The following FUT4 variants were observed in gnomAD, a reference collection of about 807,000 sequenced individuals.
The protein encoded by FUT4 is fucosyltransferase 4, also known as alpha-(1,3)-fucosyltransferase 4.
Under a neutral mutation model 3.8 loss-of-function variants are expected in FUT4, and 1 was observed. The ratio of observed to expected loss-of-function variants is 0.26; its 90% CI spans 0.09 to 1.25. The LOEUF is 1.25. FUT4 is among the 50% of genes most tolerant of loss of function. The probability of loss-of-function intolerance (pLI) is 0.47; values close to 1 mark genes in which losing one functional copy is unlikely to be tolerated. For missense variants in FUT4, 880 were observed against 768.2 expected (o/e 1.15, Z -1.72); for synonymous variants, 417 against 355.3 (o/e 1.17, Z -1.95).
rs773047836 is a variant in FUT4 at position 94,545,193 on chromosome 11, CAG to C, written c.1061_1062del (p.Gln354ArgfsTer195). Reference protein sequence around the residue: ...SGLAPPLSRKQGLVAWVVSHW... With the variant: ...SGLAPPLSRKXGLVAWVVSHW... Reference sequence around the variant, plus strand: ...CCTGGCCCCGCCACTGTCCAGGAAACAGGGGCTGGTGGCATGGGTGGTGAGCC... The same window carrying C: ...CCTGGCCCCGCCACTGTCCAGGAAACGGGCTGGTGGCATGGGTGGTGAGCC... On this transcript the variant is annotated frameshift_variant, in exon 1 of 1. Coordinates refer to ENST00000358752, the MANE Select transcript of FUT4 (RefSeq NM_002033.4). LOFTEE classifies it low-confidence loss of function (END_TRUNC). 86 of 1,611,260 alleles carry C rather than the reference CAG, an allele frequency of 5.3e-5. No homozygotes were observed. The highest frequency in any genetic ancestry group is 3.3e-4 in the Middle Eastern group (2 of 6,084).
rs2135200162 is a variant in FUT4 at position 94,546,653 on chromosome 11, C to T, written c.*927C>T. On this transcript the variant is annotated 3_prime_UTR_variant, in exon 1 of 1. Coordinates refer to ENST00000358752, the MANE Select transcript of FUT4 (RefSeq NM_002033.4). ...TTCCCAGAAAACCAGTCTGTGTTTACAGACAGAAGAGAAGGAAGCCATAGT... is the reference window on the plus strand; with the variant it reads ...TTCCCAGAAAACCAGTCTGTGTTTATAGACAGAAGAGAAGGAAGCCATAGT... 1 of 166,432 alleles carries T rather than the reference C, an allele frequency of 6.0e-6. No homozygotes were observed. The highest frequency in any genetic ancestry group is 3.4e-3 in the Middle Eastern group (1 of 296). The allele number at this position is 166,432 out of a possible 1,614,324, so 10.3% of individuals were successfully genotyped here.
At position 94,544,005 on chromosome 11, in the gene FUT4, T is replaced by C. The variant is rs1947824866; in HGVS notation, c.-129T>C. 7.9e-7 allele frequency: 1 copy of C among 1,272,424 alleles called. No individual in the cohort carries two copies. The highest frequency in any genetic ancestry group is 1.0e-6 in the Non-Finnish European group (1 of 991,240). 78.8% of individuals were successfully genotyped at this position (1,272,424 alleles called of 1,614,324 possible). A position where few individuals can be genotyped will look rare whatever the true frequency, so the allele number is the denominator to read the frequency against. On this transcript the variant is annotated 5_prime_UTR_variant, in exon 1 of 1. Transcript: ENST00000358752. ...GCTTTAGAAGGTCTCGAGCCTCCTG[T>C]ACCTTCCCAGGGATGAACCGGGCCT...
rs1312501839 is a variant in FUT4 at position 94,544,087 on chromosome 11, C to T, written c.-47C>T. ...TGAGCGAGGGCCAGGGCGGTGGGCG[C>T]GCGCAGAGGGAAACCGGATCAGTTG... On this transcript the variant is annotated 5_prime_UTR_variant, in exon 1 of 1. Transcript: ENST00000358752. 4.4e-6 allele frequency: 6 copies of T among 1,361,418 alleles called. No homozygotes were observed. In the South Asian group the frequency reaches 5.6e-5, roughly 13 times the overall value. 84.3% of individuals were successfully genotyped at this position (1,361,418 alleles called of 1,614,324 possible).
In FUT4 at chr11:94,545,309, G is replaced by C. The variant is rs1288855355; in HGVS notation, c.1176G>C (p.Gly392=). The stretch of plus-strand genomic sequence containing the variant: ...ACGTGTTCGGCCGGGGCGGGCCGGG[G>C]CAGCCGGTGCCCGAAATTGGGCTCC... The part of the protein sequence containing the change: ...TVDVFGRGGP[G]QPVPEIGLLH... The change falls in exon 1 of 1, where the codon GGG becomes GGC. Residue 392 remains glycine, a synonymous_variant. Transcript: ENST00000358752. The C allele has an allele frequency of 2.6e-5, 42 of 1,612,036 alleles. No homozygotes were observed. The highest frequency in any genetic ancestry group is 3.1e-5 in the Non-Finnish European group (37 of 1,179,832).
rs1044832338 is a variant in FUT4 at position 94,543,969 on chromosome 11, G to C, written c.-165G>C. ...TCCGTCTGTTCTAGGGCCTGCTCCT[G>C]CGCGGCAGCTGCTTTAGAAGGTCTC... is the stretch of plus-strand genomic sequence containing the variant. On this transcript the variant is annotated 5_prime_UTR_variant, in exon 1 of 1. Transcript: ENST00000358752. 6 of 973,000 alleles carry C rather than the reference G, an allele frequency of 6.2e-6. No individual in the cohort carries two copies. Among genetic ancestry groups the C allele is most frequent in the Non-Finnish European group, 8.2e-6 (6 of 735,690 alleles). The allele number at this position is 973,000 out of a possible 1,614,324, so 60.3% of individuals were successfully genotyped here. A position where few individuals can be genotyped will look rare whatever the true frequency, so the allele number is the denominator to read the frequency against.
chr11:94,545,698 G>A lies in FUT4; in HGVS notation c.1565G>A (p.Arg522Gln). ...GCTGGGGACCGGCCCAAGAGCATAC[G>A]GAACTTGGCCAGCTGGTTCGAGCGG... ...QRAGDRPKSI[R>Q]NLASWFER Residue 522 changes from arginine (R) to glutamine (Q), a missense_variant, in exon 1 of 1, where the codon CGG (arginine) becomes CAG (glutamine). Arg to Gln is a conservative substitution (Grantham distance 43). This residue lies in a region of FUT4 where 424 missense variants were observed against 400.4 expected (regional missense o/e 1.06). Transcript: ENST00000358752. 6.2e-7 allele frequency: 1 copy of A among 1,612,014 alleles called. No individual in the cohort carries two copies. Among genetic ancestry groups the A allele is most frequent in the Non-Finnish European group, 8.5e-7 (1 of 1,179,938 alleles).
In FUT4 at chr11:94,545,616, C is replaced by A; in HGVS notation, c.1483C>A (p.His495Asn). 1 of 1,613,358 alleles carries A rather than the reference C, an allele frequency of 6.2e-7. No individual in the cohort carries two copies. Among genetic ancestry groups the A allele is most frequent in the Non-Finnish European group, 8.5e-7 (1 of 1,180,028 alleles). The change falls in exon 1 of 1, where the codon CAC becomes AAC. Residue 495 changes from histidine to asparagine, a missense_variant. Physicochemically the swap from His to Asn is moderately conservative, Grantham distance 68. This residue lies in a region of FUT4 where 424 missense variants were observed against 400.4 expected (regional missense o/e 1.06). Transcript: ENST00000358752. ...CCACTGGCGCCGGAGCTACGCTGTC[C>A]ACATCACCTCCTTCTGGGACGAGCC... is the stretch of plus-strand genomic sequence containing the variant. ...YFHWRRSYAVHITSFWDEPWC... is the reference protein window; with the variant it reads ...YFHWRRSYAVNITSFWDEPWC...
In FUT4 at chr11:94,548,437, T is replaced by C. The variant is rs1947889271; in HGVS notation, c.*2711T>C. 1 of 153,930 alleles carries C rather than the reference T, an allele frequency of 6.5e-6. No homozygotes were observed. The highest frequency in any genetic ancestry group is 2.4e-5 in the African/African-American group (1 of 41,512). 9.5% of individuals were successfully genotyped at this position (153,930 alleles called of 1,614,324 possible). ...TTTTGTATTTTTAGTAGAGACTGCG[T>C]TTCACCATGTTGGGCAGGCTGGTCT... On this transcript the variant is annotated 3_prime_UTR_variant, in exon 1 of 1. Transcript: ENST00000358752.
At position 94,545,722 on chromosome 11, in the gene FUT4, G is replaced by C; in HGVS notation, c.1589G>C (p.Arg530Pro). The C allele has an allele frequency of 1.2e-6, 2 of 1,610,398 alleles. No homozygotes were observed. The highest frequency in any genetic ancestry group is 1.7e-6 in the Non-Finnish European group (2 of 1,179,082). ...CGGAACTTGGCCAGCTGGTTCGAGC[G>C]GTGAAGCCGCGCTCCCCTGGAAGCG... Reference protein sequence around the residue: ...SIRNLASWFER With the variant: ...SIRNLASWFEP The change falls in exon 1 of 1, where the codon CGG (arginine) becomes CCG (proline). Residue 530 changes from arginine to proline, a missense_variant. This residue lies in a region of FUT4 where 424 missense variants were observed against 400.4 expected (regional missense o/e 1.06). Transcript: ENST00000358752.
Position 94,544,992 on chromosome 11 carries a change from C to G in FUT4, c.859C>G (p.Pro287Ala). Residue 287 changes from proline to alanine, a missense_variant, in exon 1 of 1, where the codon CCC (proline) becomes GCC (alanine). By Grantham distance (27) the Pro-to-Ala change is conservative. Coordinates refer to ENST00000358752, the MANE Select transcript of FUT4 (RefSeq NM_002033.4). ...AGCCCTGGCGACCTCCAGCCCCAGG[C>G]CCCCGGGCCAGCGCTGGGTTTGGAT... ...AEALATSSPR[P>A]PGQRWVWMNF... The G allele has an allele frequency of 6.2e-7, 1 of 1,606,596 alleles. No homozygotes were observed. The highest frequency in any genetic ancestry group is 2.2e-5 in the East Asian group (1 of 44,534).
At position 94,544,687 on chromosome 11, in the gene FUT4, C is replaced by T. The variant is rs1313675695; in HGVS notation, c.554C>T (p.Pro185Leu). 3.2e-6 allele frequency: 5 copies of T among 1,542,082 alleles called. No homozygotes were observed. The highest frequency in any genetic ancestry group is 4.3e-6 in the Non-Finnish European group (5 of 1,158,518). ...CCGCTGCCCTGGGCGTCGCCAACCC[C>T]GTCGCGACCGGTGGGCGTGCTGCTG... Reference protein sequence around the residue: ...LPPLPWASPTPSRPVGVLLWW... With the variant: ...LPPLPWASPTLSRPVGVLLWW... Residue 185 changes from proline to leucine, a missense_variant, in exon 1 of 1, where the codon CCG becomes CTG. Pro to Leu is a moderately conservative substitution (Grantham distance 98, BLOSUM62 -3). This residue lies in a region of FUT4 where 447 missense variants were observed against 339.5 expected (regional missense o/e 1.32). Transcript: ENST00000358752.
rs1247235745 is a variant in FUT4, at chr11:94,544,389, T to G, written c.256T>G (p.Ser86Ala). The change falls in exon 1 of 1, where the codon TCC (serine) becomes GCC (alanine). Residue 86 changes from serine (S) to alanine (A), a missense_variant. By Grantham distance (99) the Ser-to-Ala change is moderately conservative (BLOSUM62 1). Transcript: ENST00000358752. ...GCATTCTGGGACCGCCCCCTTCCATTCCCGGGCCAGCGGCGAGCGGCAGCG... is the reference window on the plus strand; with the variant it reads ...GCATTCTGGGACCGCCCCCTTCCATGCCCGGGCCAGCGGCGAGCGGCAGCG... The part of the protein sequence containing the change: ...PLHSGTAPFH[S>A]RASGERQRRL... The G allele has an allele frequency of 1.3e-6, 2 of 1,538,766 alleles. No homozygotes were observed. Among genetic ancestry groups the G allele is most frequent in the African/African-American group, 2.8e-5 (2 of 70,874 alleles).
rs1237842530 is a variant in FUT4 at position 94,545,161 on chromosome 11, C to T, written c.1028C>T (p.Pro343Leu). ...LYPRSHPGDP[P>L]SGLAPPLSRK... ...CCCAGAAGCCACCCCGGCGACCCGC[C>T]CTCAGGCCTGGCCCCGCCACTGTCC... Residue 343 changes from proline to leucine, a missense_variant, in exon 1 of 1, where the codon CCC becomes CTC. Around this residue, in one of 3 missense-constraint regions of FUT4, gnomAD observed 424 missense variants for 400.4 expected, o/e 1.06. Transcript: ENST00000358752. 8.1e-6 allele frequency: 13 copies of T among 1,608,156 alleles called. No homozygotes were observed. The highest frequency in any genetic ancestry group is 1.7e-5 in the Admixed American group (1 of 59,710).
Position 94,544,446 on chromosome 11 carries a change from C to G in FUT4, c.313C>G (p.Arg105Gly), listed in dbSNP as rs770117607. 4.0e-6 allele frequency: 6 copies of G among 1,510,386 alleles called. No homozygotes were observed. Among genetic ancestry groups the G allele is most frequent in the South Asian group, 1.2e-5 (1 of 82,162 alleles). The allele number at this position is 1,510,386 out of a possible 1,614,324, so 93.6% of individuals were successfully genotyped here. A position where few individuals can be genotyped will look rare whatever the true frequency, so the allele number is the denominator to read the frequency against. The change falls in exon 1 of 1, where the codon CGG (arginine) becomes GGG (glycine). Residue 105 changes from arginine to glycine, a missense_variant. Around this residue, in one of 3 missense-constraint regions of FUT4, gnomAD observed 447 missense variants for 339.5 expected, o/e 1.32. Transcript: ENST00000358752. ...GGAGCCGCAGCTACAGCATGAGAGCCGGTGCCGCTCCTCCACGCCTGCGGA... is the reference window on the plus strand; with the variant it reads ...GGAGCCGCAGCTACAGCATGAGAGCGGGTGCCGCTCCTCCACGCCTGCGGA... The part of the protein sequence containing the change: ...RLEPQLQHES[R>G]CRSSTPADAW...
Position 94,544,728 on chromosome 11 carries a change from G to T in FUT4, c.595G>T (p.Gly199Trp). The T allele has an allele frequency of 6.4e-7, 1 of 1,561,204 alleles. No individual in the cohort carries two copies. The highest frequency in any genetic ancestry group is 8.6e-7 in the Non-Finnish European group (1 of 1,163,386). Reference protein sequence around the residue: ...VGVLLWWEPFGGRDSAPRPPP... With the variant: ...VGVLLWWEPFWGRDSAPRPPP... ...CGTGCTGCTGTGGTGGGAGCCCTTCGGGGGGCGCGATAGCGCCCCGAGGCC... is the reference window on the plus strand; with the variant it reads ...CGTGCTGCTGTGGTGGGAGCCCTTCTGGGGGCGCGATAGCGCCCCGAGGCC... Residue 199 changes from glycine (G) to tryptophan (W), a missense_variant, in exon 1 of 1, where the codon GGG becomes TGG. Physicochemically the swap from Gly to Trp is radical, Grantham distance 184. This residue lies in a region of FUT4 where 447 missense variants were observed against 339.5 expected (regional missense o/e 1.32). Coordinates refer to ENST00000358752, the MANE Select transcript of FUT4 (RefSeq NM_002033.4).
rs1255955132 is a variant in FUT4 at position 94,544,391 on chromosome 11, C to G, written c.258C>G (p.Ser86=). The G allele has an allele frequency of 2.6e-6, 4 of 1,539,010 alleles. No homozygotes were observed. The East Asian group carries it at 7.5e-5, about 29-fold the overall frequency. Residue 86 remains serine, a synonymous_variant, in exon 1 of 1, where the codon TCC becomes TCG. Coordinates refer to ENST00000358752, the MANE Select transcript of FUT4 (RefSeq NM_002033.4). The stretch of plus-strand genomic sequence containing the variant: ...ATTCTGGGACCGCCCCCTTCCATTC[C>G]CGGGCCAGCGGCGAGCGGCAGCGAC... The part of the protein sequence containing the change: ...PLHSGTAPFH[S]RASGERQRRL...
chr11:94,546,068 C>T lies in FUT4; in HGVS notation c.*342C>T. ...GAGGCGGTTTCCTGAATTTCCCCATCTGCCACAGGCCATATTTGTGGCCCG... is the reference window on the plus strand; with the variant it reads ...GAGGCGGTTTCCTGAATTTCCCCATTTGCCACAGGCCATATTTGTGGCCCG... On this transcript the variant is annotated 3_prime_UTR_variant, in exon 1 of 1. Coordinates refer to ENST00000358752, the MANE Select transcript of FUT4 (RefSeq NM_002033.4). The T allele has an allele frequency of 2.4e-6, 1 of 409,216 alleles. No homozygotes were observed. The highest frequency in any genetic ancestry group is 4.8e-6 in the Non-Finnish European group (1 of 206,706). The allele number at this position is 409,216 out of a possible 1,614,324, so 25.3% of individuals were successfully genotyped here. A position where few individuals can be genotyped will look rare whatever the true frequency, so the allele number is the denominator to read the frequency against.
chr11:94,543,990 G>A lies in FUT4; in HGVS notation c.-144G>A. On this transcript the variant is annotated 5_prime_UTR_variant, in exon 1 of 1. Coordinates refer to ENST00000358752, the MANE Select transcript of FUT4 (RefSeq NM_002033.4). ...TCCTGCGCGGCAGCTGCTTTAGAAG[G>A]TCTCGAGCCTCCTGTACCTTCCCAG... The A allele has an allele frequency of 1.7e-6, 2 of 1,152,622 alleles. No homozygotes were observed. The highest frequency in any genetic ancestry group is 1.6e-5 in the African/African-American group (1 of 62,172). The allele number at this position is 1,152,622 out of a possible 1,614,324, so 71.4% of individuals were successfully genotyped here.
At position 94,544,510 on chromosome 11, in the gene FUT4, TGGG is replaced by T; in HGVS notation, c.380_382del (p.Gly127del). The stretch of plus-strand genomic sequence containing the variant: ...GAGGCAGCGCTGCCTGTTCGCGCCA[TGGG>T]GGCACCGTGGGGCTCGCCGACGGCG... On this transcript the variant is annotated inframe_deletion, in exon 1 of 1. Coordinates refer to ENST00000358752, the MANE Select transcript of FUT4 (RefSeq NM_002033.4). 1 of 1,379,502 alleles carries T rather than the reference TGGG, an allele frequency of 7.2e-7. No individual in the cohort carries two copies. Among genetic ancestry groups the T allele is most frequent in the South Asian group, 1.7e-5 (1 of 58,738 alleles). 85.5% of individuals were successfully genotyped at this position (1,379,502 alleles called of 1,614,324 possible).
Sources: allele counts gnomAD v4.1 joint callset, GRCh38; gene constraint gnomAD v4.1.1; regional missense constraint gnomAD v4.1.1; transcripts MANE v1.5; gene names NCBI Gene and HGNC (gene_info 2026-07-23, HGNC 2026-07-21).